The following XNDC1N variants were observed in gnomAD, a reference collection of about 807,000 sequenced individuals.
XNDC1N encodes the protein XRCC1 N-terminal domain containing 1, N-terminal like.
At chr11:71,920,309 T>C in the XNDC1N span, among the ~76,000 whole-genome samples, 5 of 148,374 alleles carry the variant, frequency 3.4e-5, no homozygotes, top group South Asian at 1.1e-3. Flanking sequence ...TATAAGATTT[T>C]TTTCTTATTT....
chr11:71,896,895 G>T, the XNDC1N span, among the ~76,000 whole-genome samples: 6 of 151,598 alleles, frequency 4.0e-5, no homozygotes, highest in Non-Finnish European at 5.9e-5. Context: ...GTCAGTTGTT[G>T]TTTGTTTGTT....
the XNDC1N span, among the ~76,000 whole-genome samples, chr11:71,877,135 G>T: frequency 6.6e-6 from 1 of 152,178 alleles, no homozygotes; most frequent in Admixed American, 6.5e-5. Context: ...GTCTCTAAAG[G>T]CAGGGAGGAC....
the XNDC1N span, chr11:71,884,304 G>A: frequency 1.5e-6 from 2 of 1,298,974 alleles, no homozygotes; most frequent in Admixed American, 3.6e-5. Context: ...TGTTTTTCTG[G>A]GAAAGTTCTG....
the XNDC1N span, among the ~76,000 whole-genome samples, chr11:71,912,300 G>A: frequency 2.6e-5 from 4 of 152,198 alleles, no homozygotes; most frequent in Non-Finnish European, 2.9e-5. Context: ...GTTCTTGGGC[G>A]TACCTACTCT....
the XNDC1N span, chr11:71,917,482 C>T: frequency 1.5e-6 from 1 of 671,882 alleles, no homozygotes; most frequent in Admixed American, 2.1e-5. Flanking sequence ...CCACCCTTTG[C>T]CCCCAACAGA....
At chr11:71,867,858 A>G in the XNDC1N span, among the ~76,000 whole-genome samples, 3 of 152,226 alleles carry the variant, frequency 2.0e-5, no homozygotes, top group East Asian at 5.8e-4. Flanking sequence ...TTCTCTCTCA[A>G]TGATCTGTCG....
the XNDC1N span, among the ~76,000 whole-genome samples, chr11:71,891,805 G>A: frequency 2.0e-5 from 3 of 151,964 alleles, no homozygotes; most frequent in South Asian, 2.1e-4. Flanking sequence ...CAATATCATC[G>A]GGGCTGAACA....
chr11:71,905,426 T>C, the XNDC1N span, among the ~76,000 whole-genome samples: 1 of 151,280 alleles, frequency 6.6e-6, no homozygotes, highest in Non-Finnish European at 1.5e-5. Context: ...ACACCCCCCC[T>C]AGAATATTAC....
the XNDC1N span, among the ~76,000 whole-genome samples, chr11:71,909,520 G>A: frequency 3.3e-5 from 5 of 152,192 alleles, no homozygotes; most frequent in African/African-American, 1.2e-4. Context: ...GCTCAACCTG[G>A]CAGAAGGGTT....
At chr11:71,888,700 G>C in the XNDC1N span, among the ~76,000 whole-genome samples, 3 of 152,200 alleles carry the variant, frequency 2.0e-5, no homozygotes, top group Non-Finnish European at 4.4e-5. Flanking sequence ...AAGCAAATAA[G>C]CTGACTCTTG....
At chr11:71,926,556 G>C in the XNDC1N span, among the ~76,000 whole-genome samples, 2 of 152,154 alleles carry the variant, frequency 1.3e-5, no homozygotes, top group African/African-American at 2.4e-5. Flanking sequence ...GAAATTGGTT[G>C]ACAATGTGAA....
the XNDC1N span, among the ~76,000 whole-genome samples, chr11:71,896,392 A>C: frequency 1.3e-5 from 2 of 152,272 alleles, no homozygotes; most frequent in African/African-American, 2.4e-5. Context: ...ATTGAGTCCC[A>C]AAATACAGAA....
the XNDC1N span, among the ~76,000 whole-genome samples, chr11:71,915,655 T>C: frequency 6.6e-6 from 1 of 152,050 alleles, no homozygotes; most frequent in Non-Finnish European, 1.5e-5. Flanking sequence ...AGAGCACACA[T>C]GTAAAGATAT....
At chr11:71,921,218 A>T in the XNDC1N span, among the ~76,000 whole-genome samples, 2 of 152,034 alleles carry the variant, frequency 1.3e-5, no homozygotes, top group Non-Finnish European at 2.9e-5. Context: ...GCAGTCGCAT[A>T]ATCACAGCTC....
At chr11:71,886,063 C>G in the XNDC1N span, among the ~76,000 whole-genome samples, 1 of 151,974 alleles carries the variant, frequency 6.6e-6, no homozygotes, top group African/African-American at 2.4e-5. Flanking sequence ...GTTTACGACC[C>G]AAAAGGGGAC....
chr11:71,884,411 A>G, the XNDC1N span: 2 of 1,581,538 alleles, frequency 1.3e-6, no homozygotes, highest in Non-Finnish European at 1.7e-6. Context: ...TTAAAGCCAG[A>G]AGCTTCACTT....
chr11:71,926,495 GAGC>G, the XNDC1N span, among the ~76,000 whole-genome samples: 1 of 152,206 alleles, frequency 6.6e-6, no homozygotes, highest in Non-Finnish European at 1.5e-5. Flanking sequence ...CCACACTTCA[GAGC>G]AGCATCATGA....
the XNDC1N span, among the ~76,000 whole-genome samples, chr11:71,913,709 A>G: frequency 1.3e-5 from 2 of 151,628 alleles, no homozygotes; most frequent in Admixed American, 1.3e-4. Context: ...AGAAGATGCC[A>G]TCTAGGAGTT....
chr11:71,896,712 C>A, the XNDC1N span, among the ~76,000 whole-genome samples: 3 of 152,052 alleles, frequency 2.0e-5, no homozygotes, highest in Non-Finnish European at 2.9e-5. Flanking sequence ...TACAGGCATG[C>A]GCCAGCACGC....
Sources: allele counts gnomAD v4.1 joint callset (sites outside exome capture counted in the v4.1 genomes callset), GRCh38; gene constraint gnomAD v4.1.1; transcripts MANE v1.5; gene names NCBI Gene and HGNC (gene_info 2026-07-23, HGNC 2026-07-21).